Variants in TCERG1L observed in about 807,000 individuals in gnomAD.
The protein encoded by TCERG1L is transcription elongation regulator 1-like protein.
A neutral mutation model predicts 56.3 loss-of-function variants in TCERG1L; 37 were observed. The ratio of observed to expected loss-of-function variants is 0.66; its 90% CI spans 0.51 to 0.87. The LOEUF is 0.87. Ranked by LOEUF, TCERG1L falls within the 40% of genes least tolerant of loss-of-function variation. The pLI is 0.00. For missense variants in TCERG1L, 799 were observed against 774.2 expected (o/e 1.03, Z -0.38); for synonymous variants, 324 against 326.3 (o/e 0.99, Z 0.08).
intron 7 of TCERG1L, among the ~76,000 whole-genome samples, chr10:131,144,086 A>ACG (rs1845769281): frequency 6.6e-6 from 1 of 152,118 alleles, no homozygotes; most frequent in Non-Finnish European, 1.5e-5. Context: ...ACACACGCTC[A>ACG]CACATACACA....
Position 131,112,240 on chromosome 10 carries a change from G to A in TCERG1L, c.1395+4559C>T, listed in dbSNP as rs1304315784. On this transcript the variant is annotated intron_variant, in intron 9 of 11. Coordinates refer to ENST00000368642, the MANE Select transcript of TCERG1L (RefSeq NM_174937.4). ...AGACTTGGGCCACGCCCCTGTCCCC[G>A]AGCTCTGTCCAGATGTGCCCGCTCT... Among the ~76,000 whole-genome samples the A allele has an allele frequency of 2.1e-5, 3 of 142,446 alleles. 1 individual carries two copies. The highest frequency in any genetic ancestry group is 4.9e-5 in the African/African-American group (2 of 40,428). The allele number at this position is 142,446 out of a possible 152,430, so 93.5% of individuals were successfully genotyped here. A position where few individuals can be genotyped will look rare whatever the true frequency, so the allele number is the denominator to read the frequency against.
chr10:131,269,145 T>C (rs934758046), intron 3 of TCERG1L, among the ~76,000 whole-genome samples: 1 of 152,216 alleles, frequency 6.6e-6, no homozygotes, highest in Non-Finnish European at 1.5e-5. Context: ...TTTGAAAATG[T>C]AGTCGCCATT....
intron 6 of TCERG1L, among the ~76,000 whole-genome samples, chr10:131,158,786 G>A (rs990693563): frequency 1.3e-5 from 2 of 152,228 alleles, no homozygotes; most frequent in South Asian, 2.1e-4. Context: ...GCGGACCATC[G>A]CAGAGAGGAT....
At chr10:131,170,030 A>G (rs1323308223) in intron 4 of TCERG1L, among the ~76,000 whole-genome samples, 1 of 152,146 alleles carries the variant, frequency 6.6e-6, no homozygotes, top group Non-Finnish European at 1.5e-5. Context: ...ATTGTTGATG[A>G]TCATTTTAAA....
intron 6 of TCERG1L, among the ~76,000 whole-genome samples, chr10:131,150,714 T>G (rs10765042): frequency 0.62 from 94,379 of 152,132 alleles, 30,168 homozygotes; most frequent in Non-Finnish European, 0.69. Flanking sequence ...TGGGCCCCGA[T>G]AGCACACGTG....
At chr10:131,308,730 A>C (rs774418567) in intron 2 of TCERG1L, among the ~76,000 whole-genome samples, 2 of 152,230 alleles carry the variant, frequency 1.3e-5, no homozygotes, top group Non-Finnish European at 2.9e-5. Flanking sequence ...TGTGAACAAA[A>C]TGTAGTCAGT....
intron 3 of TCERG1L, among the ~76,000 whole-genome samples, chr10:131,297,770 T>C (rs185581825): frequency 5.9e-5 from 9 of 152,212 alleles, no homozygotes; most frequent in Non-Finnish European, 8.8e-5. Context: ...GAGTTATTCA[T>C]GTTTTCTATT....
chr10:131,215,554 G>A (rs1333960635), intron 4 of TCERG1L, among the ~76,000 whole-genome samples: 2 of 152,272 alleles, frequency 1.3e-5, no homozygotes, highest in East Asian at 3.9e-4. Flanking sequence ...CCGGCTGGAG[G>A]AGCAGACCCC....
At chr10:131,293,030 T>C (rs929108391) in intron 3 of TCERG1L, among the ~76,000 whole-genome samples, 12 of 152,154 alleles carry the variant, frequency 7.9e-5, no homozygotes, top group Non-Finnish European at 2.9e-5. Context: ...TTTGTATTTT[T>C]AGTAGAGACA....
rs188131056 is a variant in TCERG1L, at chr10:131,311,195, G to C, written c.342+99C>G. 1.1e-3 allele frequency: 1,107 copies of C among 982,352 alleles called. 15 individuals carry two copies. The East Asian group carries it at 0.026, about 23-fold the overall frequency. The allele number at this position is 982,352 out of a possible 1,614,324, so 60.9% of individuals were successfully genotyped here. A position where few individuals can be genotyped will look rare whatever the true frequency, so the allele number is the denominator to read the frequency against. ...TGGGGCGGCGAGGACCGCCGGGGAG[G>C]AGGGCGCGCGAGCCGGAGGCCAGAG... On this transcript the variant is annotated intron_variant, in intron 1 of 11. Coordinates refer to ENST00000368642, the MANE Select transcript of TCERG1L (RefSeq NM_174937.4). The surrounding 1 kb of genome is among the most constrained non-coding windows in gnomAD (Gnocchi z 4.0).
intron 4 of TCERG1L, among the ~76,000 whole-genome samples, chr10:131,220,931 G>A (rs373880668): frequency 4.6e-5 from 7 of 152,342 alleles, no homozygotes; most frequent in East Asian, 1.9e-4. Context: ...CCATCCAGGG[G>A]CAATGAGCAG....
intron 9 of TCERG1L, among the ~76,000 whole-genome samples, chr10:131,105,833 C>T (rs1845347458): frequency 6.6e-6 from 1 of 152,232 alleles, no homozygotes; most frequent in Non-Finnish European, 1.5e-5. Context: ...TGTGACTTTG[C>T]TTCTTTTCCT....
intron 3 of TCERG1L, among the ~76,000 whole-genome samples, chr10:131,285,694 A>T (rs572263915): frequency 6.6e-6 from 1 of 152,326 alleles, no homozygotes; most frequent in South Asian, 2.1e-4. Flanking sequence ...TTCAACATGA[A>T]GATTTTGGGT....
intron 3 of TCERG1L, among the ~76,000 whole-genome samples, chr10:131,261,946 AGAG>A (rs1441007622): frequency 1.3e-5 from 2 of 152,240 alleles, no homozygotes; most frequent in Admixed American, 6.5e-5. Flanking sequence ...GCTGACCCCT[AGAG>A]AAGAAGCAGG....
chr10:131,125,682 G>A (rs2133396910), intron 8 of TCERG1L, among the ~76,000 whole-genome samples: 1 of 152,326 alleles, frequency 6.6e-6, no homozygotes, highest in East Asian at 1.9e-4. Context: ...GGAGCACAGG[G>A]GTGTCGGTTC....
At chr10:131,117,445 C>T (rs1845470792) in intron 8 of TCERG1L, among the ~76,000 whole-genome samples, 1 of 152,246 alleles carries the variant, frequency 6.6e-6, no homozygotes, top group Non-Finnish European at 1.5e-5. Flanking sequence ...TGAGATCTAA[C>T]CCCAAAGGGA....
chr10:131,227,059 G>A (rs1344925777), intron 4 of TCERG1L, among the ~76,000 whole-genome samples: 5 of 152,226 alleles, frequency 3.3e-5, no homozygotes, highest in African/African-American at 1.2e-4. Context: ...GCTGAAAATC[G>A]GTTTCGCCCT....
intron 3 of TCERG1L, among the ~76,000 whole-genome samples, chr10:131,282,336 A>C (rs1276378496): frequency 7.5e-6 from 1 of 132,936 alleles, no homozygotes; most frequent in African/African-American, 2.7e-5. Context: ...CGATGGTGAC[A>C]TGAATGGTGT....
chr10:131,279,314 G>C (rs1368321482), intron 3 of TCERG1L, among the ~76,000 whole-genome samples: 2 of 152,194 alleles, frequency 1.3e-5, no homozygotes, highest in Non-Finnish European at 2.9e-5. Context: ...AAAAGGCCTG[G>C]GCAGGCAGGT....
Sources: gnomAD v4.1 joint callset for allele counts (sites outside exome capture counted in the v4.1 genomes callset) on GRCh38, gnomAD v4.1.1 for gene constraint, Gnocchi (gnomAD v3.1) non-coding constraint, MANE v1.5 for transcripts, NCBI Gene and HGNC (gene_info 2026-07-23, HGNC 2026-07-21) for gene names.